The following CA4 variants were observed in gnomAD, a reference collection of about 807,000 sequenced individuals.
The protein encoded by CA4 is carbonic anhydrase 4.
CA4 carries 24 observed loss-of-function variants against 34.5 expected under a neutral mutation model. That is an observed-to-expected ratio of 0.70 (90% CI 0.50 to 0.98). CA4 has a LOEUF of 0.98. Among genes scored for constraint, CA4 ranks in the 50% least tolerant of loss-of-function variants. The pLI is 0.00. For missense variants in CA4, 394 were observed against 396.7 expected, an observed-to-expected ratio of 0.99 and a Z score of 0.06; for synonymous variants, 178 against 170.6, an observed-to-expected ratio of 1.04 and a Z score of -0.34.
downstream of CA4, among the ~76,000 whole-genome samples, chr17:60,173,365 C>T (rs995392681): frequency 2.0e-5 from 3 of 152,226 alleles, no homozygotes; most frequent in African/African-American, 4.8e-5. Flanking sequence ...CCACTCAGCA[C>T]AAACAGGCTG....
At chr17:60,157,157 C>G (rs1045108112) in intron 3 of CA4, among the ~76,000 whole-genome samples, 1 of 152,136 alleles carries the variant, frequency 6.6e-6, no homozygotes, top group Admixed American at 6.5e-5. Flanking sequence ...AGGAGGTGGA[C>G]GCAGAGGAGG....
intron 5 of CA4, among the ~76,000 whole-genome samples, chr17:60,165,215 T>C (rs1396776073): frequency 1.3e-5 from 2 of 152,116 alleles, no homozygotes; most frequent in African/African-American, 4.8e-5. Context: ...TGGCAGTTCT[T>C]TCCTATCCAA....
Position 60,159,214 on chromosome 17 carries a change from C to A in CA4, c.745-16C>A. 1 of 1,586,772 alleles carries A rather than the reference C, an allele frequency of 6.3e-7. No homozygotes were observed. Among genetic ancestry groups the A allele is most frequent in the South Asian group, 1.1e-5 (1 of 87,274 alleles). On this transcript the variant is annotated splice_polypyrimidine_tract_variant and intron_variant, in intron 7 of 7. Transcript: ENST00000300900. ...CTCCCCCTGCCCCGACCTGCTGAGC[C>A]CCATCACTTCCGCAGATCCTGGCAT...
chr17:60,175,470 G>A (rs774661565), downstream of CA4, among the ~76,000 whole-genome samples: 3 of 151,112 alleles, frequency 2.0e-5, no homozygotes, highest in African/African-American at 4.9e-5. Context: ...TGGGGAGGCT[G>A]AGGTGGGAGG....
chr17:60,173,956 G>T (rs765075730), downstream of CA4, among the ~76,000 whole-genome samples: 17 of 152,148 alleles, frequency 1.1e-4, no homozygotes, highest in Non-Finnish European at 2.4e-4. Context: ...CGTGGTAGGT[G>T]CTCACTCCCC....
intron 1 of CA4, among the ~76,000 whole-genome samples, chr17:60,153,200 T>C (rs2083621095): frequency 6.6e-6 from 1 of 152,072 alleles, no homozygotes; most frequent in Non-Finnish European, 1.5e-5. Flanking sequence ...TAGCTGGGCA[T>C]GGTGGTACAT....
chr17:60,172,217 C>T (rs2083917018), downstream of CA4, among the ~76,000 whole-genome samples: 1 of 152,198 alleles, frequency 6.6e-6, no homozygotes, highest in African/African-American at 2.4e-5. Context: ...GTCCCCTTAT[C>T]CCCAAGGTCC....
In CA4 at chr17:60,155,339, A is replaced by G; in HGVS notation, c.84A>G (p.Gln28=). 1 of 1,611,608 alleles carries G rather than the reference A, an allele frequency of 6.2e-7. No individual in the cohort carries two copies. Residue 28 remains glutamine, a synonymous_variant, in exon 2 of 8, where the codon CAA becomes CAG. Coordinates refer to ENST00000300900, the MANE Select transcript of CA4 (RefSeq NM_000717.5). ...SAESHWCYEV[Q]AESSNYPCLV... ...AGTCACACTGGTGCTACGAGGTTCA[A>G]GCCGAGTCCTCCAACTACCCCTGCT...
chr17:60,175,345 GA>G (rs1373294470), downstream of CA4, among the ~76,000 whole-genome samples: 1 of 151,948 alleles, frequency 6.6e-6, no homozygotes, highest in East Asian at 1.9e-4. Context: ...GAGGTGGGCA[GA>G]TAGCTTAAGC....
intron 3 of CA4, chr17:60,156,952 T>C (rs1035525075): frequency 6.7e-6 from 4 of 596,862 alleles, no homozygotes; most frequent in South Asian, 3.8e-5. Flanking sequence ...AAGAAGGACA[T>C]GTGCAAAGGC....
At chr17:60,158,248 A>T (rs561018446) in intron 6 of CA4, 35 bp from the exon 7 acceptor site, 1 of 1,612,220 alleles carries the variant, frequency 6.2e-7, no homozygotes, top group African/African-American at 1.3e-5. Context: ...TCCTTCTCCC[A>T]CCCTCACTGA....
intron 1 of CA4, among the ~76,000 whole-genome samples, chr17:60,151,227 G>A (rs1250742499): frequency 2.6e-5 from 4 of 152,056 alleles, no homozygotes; most frequent in Non-Finnish European, 4.4e-5. Context: ...GGTCCACGCA[G>A]GCTGAAACCT....
At chr17:60,157,178 G>C (rs2083702349) in intron 3 of CA4, among the ~76,000 whole-genome samples, 1 of 152,242 alleles carries the variant, frequency 6.6e-6, no homozygotes, top group African/African-American at 2.4e-5. Flanking sequence ...CACCAGGACA[G>C]AGCTGCAGTT....
At chr17:60,169,894 T>C (rs1259997442) in intron 5 of CA4, among the ~76,000 whole-genome samples, 5 of 152,138 alleles carry the variant, frequency 3.3e-5, no homozygotes, top group African/African-American at 1.2e-4. Flanking sequence ...TCTTTCTCTT[T>C]CTTTTTTTCT....
At chr17:60,169,022 A>T (rs1350597700) in intron 5 of CA4, among the ~76,000 whole-genome samples, 13 of 152,096 alleles carry the variant, frequency 8.5e-5, no homozygotes, top group Admixed American at 3.3e-4. Context: ...CAAGGTGGGC[A>T]GATCACCTGA....
intron 2 of CA4, 131 bp downstream of exon 2, chr17:60,155,498 TAC>T (rs3830362): frequency 0.037 from 18,717 of 511,702 alleles, 1 homozygote; most frequent in East Asian, 0.06. Flanking sequence ...GTTCCCAGCA[TAC>T]ACACACACAC....
intron 1 of CA4, among the ~76,000 whole-genome samples, chr17:60,152,596 G>T (rs1435155994): frequency 5.3e-5 from 8 of 152,222 alleles, no homozygotes; most frequent in Admixed American, 2.0e-4. Flanking sequence ...ACCCTTTGCA[G>T]CTGGCTCTTG....
At chr17:60,166,725 G>A (rs954026070) in intron 5 of CA4, among the ~76,000 whole-genome samples, 6 of 218 alleles carry the variant, frequency 0.028, no homozygotes, top group African/African-American at 0.12. Flanking sequence ...GGAGGCCAAG[G>A]GGGGGGCGGA....
At chr17:60,157,286 C>T (rs764166398) in intron 3 of CA4, 141 bp from the exon 4 acceptor site, 59 of 912,904 alleles carry the variant, frequency 6.5e-5, no homozygotes, top group African/African-American at 8.2e-5. Flanking sequence ...TCCCACCCCG[C>T]GCCACCCCTG....
Sources: gnomAD v4.1 joint callset for allele counts (sites outside exome capture counted in the v4.1 genomes callset) on GRCh38, gnomAD v4.1.1 for gene constraint, MANE v1.5 for transcripts, NCBI Gene and HGNC (gene_info 2026-07-23, HGNC 2026-07-21) for gene names.